Variants in RYR2 observed in about 807,000 individuals in gnomAD.
RYR2 encodes ryanodine receptor 2.
In RYR2, 227 loss-of-function variants were observed where a neutral mutation model predicts 601.1. The ratio of observed to expected loss-of-function variants is 0.38; its 90% CI spans 0.34 to 0.42. RYR2 has a LOEUF of 0.42. Among genes scored for constraint, RYR2 ranks in the 10% least tolerant of loss-of-function variants. The pLI is 1.00. For synonymous variants in RYR2, 2,223 were observed against 2,175.1 expected (o/e 1.02, Z -0.61); for missense variants, 4,646 against 6,156.5 (o/e 0.75, Z 8.21).
chr1:237,780,460 T>C (rs1023355470), intron 88 of RYR2, among the ~76,000 whole-genome samples: 1 of 152,162 alleles, frequency 6.6e-6, no homozygotes, highest in Non-Finnish European at 1.5e-5. Flanking sequence ...AGAAAACGTC[T>C]CATCTTCCCA....
rs117212954 is a variant in RYR2, at chr1:237,104,587, C to T, written c.48+62018C>T. ...GTTCCCTTGCCTTTTTTTCTTTGCC[C>T]GGCAAATTCTACTGGTTTGTCAGTC... is the stretch of plus-strand genomic sequence containing the variant. On this transcript the variant is annotated intron_variant, in intron 1 of 104. Coordinates refer to ENST00000366574, the MANE Select transcript of RYR2 (RefSeq NM_001035.3). Among the ~76,000 whole-genome samples the T allele has an allele frequency of 1.2e-4, 19 of 152,176 alleles. 1 individual carries two copies. Among genetic ancestry groups the T allele is most frequent in the Middle Eastern group, 3.4e-3 (1 of 294 alleles).
intron 10 of RYR2, among the ~76,000 whole-genome samples, chr1:237,398,947 AT>A (rs1289148989): frequency 6.6e-6 from 1 of 152,202 alleles, no homozygotes; most frequent in African/African-American, 2.4e-5. Flanking sequence ...TAATCCCAGC[AT>A]TTTGGGAGGC....
rs1695357707 is a variant in RYR2 at position 237,784,147 on chromosome 1, CGA to C, written c.12439_12440del (p.Arg4147GlyfsTer4). ...AAATCATGGGAAGCGCCAAACGCAT[CGA>C]GAGGGTCTATTTTGAAATCAGTGAG... ...IEIMGSAKRI[E>X]RVYFEISESS... On this transcript the variant is annotated frameshift_variant, in exon 90 of 105. Coordinates refer to ENST00000366574, the MANE Select transcript of RYR2 (RefSeq NM_001035.3). LOFTEE classifies it high-confidence loss of function. This position sits in a 1 kb window ranked among gnomAD's most constrained non-coding sequence, Gnocchi z 7.1. The C allele has an allele frequency of 6.2e-7, 1 of 1,613,808 alleles. No homozygotes were observed. Among genetic ancestry groups the C allele is most frequent in the Admixed American group, 1.7e-5 (1 of 59,990 alleles).
At chr1:237,617,557 A>C in intron 38 of RYR2, 71 bp downstream of exon 38, 3 of 1,408,654 alleles carry the variant, frequency 2.1e-6, no homozygotes, top group Non-Finnish European at 3.0e-6. Flanking sequence ...TGCCTTGCAA[A>C]ATTATATAAC....
intron 100 of RYR2, among the ~76,000 whole-genome samples, chr1:237,811,849 C>T (rs994714424): frequency 2.6e-5 from 4 of 152,120 alleles, no homozygotes; most frequent in Middle Eastern, 3.2e-3. Flanking sequence ...GTGGTTTCCA[C>T]GTGCTAGTGA....
chr1:237,225,875 T>C (rs1044683641), intron 1 of RYR2, among the ~76,000 whole-genome samples: 1 of 151,752 alleles, frequency 6.6e-6, no homozygotes, highest in African/African-American at 2.4e-5. Context: ...GCCAATATGG[T>C]GAAACCCTGT....
chr1:237,068,032 ATTTTTTT>A lies in RYR2; in HGVS notation c.48+25475_48+25481del, dbSNP rs36053229. Reference sequence around the variant, plus strand: ...ATACCTTGATTTATCCAGAACTTTGATTTTTTTTTTTTTTTTTTGCTAAGAACTGTAC... The same window carrying A: ...ATACCTTGATTTATCCAGAACTTTGATTTTTTTTTTTGCTAAGAACTGTAC... On this transcript the variant is annotated intron_variant, in intron 1 of 104. Coordinates refer to ENST00000366574, the MANE Select transcript of RYR2 (RefSeq NM_001035.3). Among the ~76,000 whole-genome samples the A allele has an allele frequency of 7.4e-3, 905 of 122,884 alleles. 2 individuals carry two copies. Among genetic ancestry groups the A allele is most frequent in the Non-Finnish European group, 0.012 (686 of 57,686 alleles). 80.6% of individuals were successfully genotyped at this position (122,884 alleles called of 152,430 possible). A position where few individuals can be genotyped will look rare whatever the true frequency, so the allele number is the denominator to read the frequency against.
chr1:237,320,963 A>AG (rs1447671000), intron 2 of RYR2, among the ~76,000 whole-genome samples: 1 of 27,330 alleles, frequency 3.7e-5, no homozygotes, highest in Non-Finnish European at 6.7e-5. Flanking sequence ...TGTCACATTT[A>AG]GGTTTTTTTT....
chr1:237,654,482 A>G, intron 52 of RYR2, 68 bp downstream of exon 52: 1 of 1,495,366 alleles, frequency 6.7e-7, no homozygotes, highest in Non-Finnish European at 9.2e-7. Flanking sequence ...TCTTAGTAAG[A>G]TAGTATTCCT....
intron 2 of RYR2, among the ~76,000 whole-genome samples, chr1:237,289,080 C>T (rs1367099120): frequency 6.6e-6 from 1 of 152,132 alleles, no homozygotes; most frequent in Non-Finnish European, 1.5e-5. Flanking sequence ...TCGGCTTCTC[C>T]AGTGGGGGTG....
chr1:237,412,650 A>G lies in RYR2; in HGVS notation c.774-4399A>G, dbSNP rs146128763. On this transcript the variant is annotated intron_variant, in intron 10 of 104. Coordinates refer to ENST00000366574, the MANE Select transcript of RYR2 (RefSeq NM_001035.3). ...ATTGCAAAAATAGTCTCCAGTTAAC[A>G]AAGAGCTGCATGAGCTCTTTTGTAT... Among the ~76,000 whole-genome samples the G allele has an allele frequency of 2.9e-4, 44 of 152,298 alleles. 1 individual carries two copies. Among genetic ancestry groups the G allele is most frequent in the African/African-American group, 6.3e-4 (26 of 41,576 alleles).
chr1:237,394,361 C>T (rs1472558879), intron 10 of RYR2, among the ~76,000 whole-genome samples: 1 of 152,218 alleles, frequency 6.6e-6, no homozygotes, highest in Non-Finnish European at 1.5e-5. Context: ...GGTGTCATCT[C>T]AAAACATACC....
chr1:237,621,971 T>A (rs1679121536), intron 38 of RYR2, among the ~76,000 whole-genome samples: 1 of 152,190 alleles, frequency 6.6e-6, no homozygotes, highest in Admixed American at 6.5e-5. Flanking sequence ...TTGACTGCAC[T>A]AATGTTGCTA....
intron 17 of RYR2, 52 bp from the exon 18 acceptor site, chr1:237,491,754 G>A (rs573238710): frequency 1.2e-5 from 10 of 838,552 alleles, no homozygotes; most frequent in Non-Finnish European, 2.0e-5. Context: ...ACTGGTCATT[G>A]TACACCAATT....
intron 17 of RYR2, among the ~76,000 whole-genome samples, chr1:237,476,683 A>G (rs1411589016): frequency 5.9e-5 from 9 of 152,110 alleles, no homozygotes; most frequent in Admixed American, 6.5e-5. Context: ...ATCATTTTTC[A>G]AAGATGAAAA....
chr1:237,228,829 A>G (rs1684672134), intron 1 of RYR2, among the ~76,000 whole-genome samples: 1 of 152,184 alleles, frequency 6.6e-6, no homozygotes, highest in Non-Finnish European at 1.5e-5. Context: ...TCAGATGCCC[A>G]TTGCCAAATT....
In RYR2 at chr1:237,406,788, A is replaced by T. The variant is rs181105118; in HGVS notation, c.774-10261A>T. 2.0e-5 allele frequency among the ~76,000 whole-genome samples: 3 copies of T among 152,292 alleles called. No individual in the cohort carries two copies. The East Asian group carries it at 5.8e-4, about 29-fold the overall frequency. The stretch of plus-strand genomic sequence containing the variant: ...AAAGCACAGAGAATTCTGCCTCACC[A>T]GTTTTCTTGTTATTAACATCTTGTA... On this transcript the variant is annotated intron_variant, in intron 10 of 104. Transcript: ENST00000366574.
chr1:237,749,182 T>C (rs1195703696), intron 80 of RYR2, among the ~76,000 whole-genome samples: 1 of 152,142 alleles, frequency 6.6e-6, no homozygotes, highest in African/African-American at 2.4e-5. Context: ...AGTTGAAGCT[T>C]ATACAGGAGC....
At position 237,571,401 on chromosome 1, in the gene RYR2, G is replaced by A. The variant is rs191397911; in HGVS notation, c.3598+2082G>A. Among the ~76,000 whole-genome samples, 1,212 of 148,436 alleles carry A rather than the reference G, an allele frequency of 8.2e-3. 12 individuals carry two copies. Among genetic ancestry groups the A allele is most frequent in the Middle Eastern group, 0.028 (8 of 290 alleles). Reference sequence around the variant, plus strand: ...GCGATCTTGACTCACTGCAACCTCCGCCTCCCAGGTTCAAGCAATTCTCCT... The same window carrying A: ...GCGATCTTGACTCACTGCAACCTCCACCTCCCAGGTTCAAGCAATTCTCCT... On this transcript the variant is annotated intron_variant, in intron 29 of 104. Coordinates refer to ENST00000366574, the MANE Select transcript of RYR2 (RefSeq NM_001035.3).
Sources: gnomAD v4.1 joint callset for allele counts (sites outside exome capture counted in the v4.1 genomes callset) on GRCh38, gnomAD v4.1.1 for gene constraint, Gnocchi (gnomAD v3.1) non-coding constraint, MANE v1.5 for transcripts, NCBI Gene and HGNC (gene_info 2026-07-23, HGNC 2026-07-21) for gene names.